The following MLIP variants were observed in gnomAD, a reference collection of about 807,000 sequenced individuals.
The protein encoded by MLIP is muscular LMNA-interacting protein.
MLIP carries 79 observed loss-of-function variants against 84.8 expected under a neutral mutation model. The observed-to-expected ratio is 0.93, with a 90% confidence interval of 0.78 to 1.12. The LOEUF (loss-of-function observed/expected upper bound fraction) is 1.12, where lower values mean the gene tolerates loss of function less well. Among genes scored for constraint, MLIP ranks in the 50% most tolerant of loss-of-function variants. The probability of loss-of-function intolerance (pLI) is 0.00; values close to 1 mark genes in which losing one functional copy is unlikely to be tolerated. For synonymous variants in MLIP, 504 were observed against 463.0 expected, an observed-to-expected ratio of 1.09 and a Z score of -1.14; for missense variants, 1,257 against 1,160.6, an observed-to-expected ratio of 1.08 and a Z score of -1.21.
intron 9 of MLIP, among the ~76,000 whole-genome samples, chr6:54,171,491 A>G (rs1206128261): frequency 6.6e-6 from 1 of 151,628 alleles, no homozygotes; most frequent in Non-Finnish European, 1.5e-5. Flanking sequence ...TTACAATGAA[A>G]GGTCAAAACT....
chr6:54,229,557 C>T (rs1780834621), intron 11 of MLIP, among the ~76,000 whole-genome samples: 1 of 152,156 alleles, frequency 6.6e-6, no homozygotes. Flanking sequence ...TGTGTTGTTC[C>T]CCCACCATGT....
chr6:54,253,996 G>A (rs955869243), intron 12 of MLIP, among the ~76,000 whole-genome samples: 2 of 150,244 alleles, frequency 1.3e-5, no homozygotes, highest in African/African-American at 4.9e-5. Context: ...TTTTCTTTGA[G>A]GCAACATAGT....
At chr6:54,066,137 G>C (rs1766217838) in intron 1 of MLIP, among the ~76,000 whole-genome samples, 1 of 98,014 alleles carries the variant, frequency 1.0e-5, no homozygotes, top group African/African-American at 2.6e-5. Flanking sequence ...TTAAACTGCT[G>C]TTATAAATGT....
chr6:54,228,110 G>T (rs991106470), intron 11 of MLIP, among the ~76,000 whole-genome samples: 2 of 66,954 alleles, frequency 3.0e-5, no homozygotes, highest in African/African-American at 6.3e-5. Flanking sequence ...ATGAACCCCG[G>T]AGGCGGAGCT....
chr6:54,162,937 G>A (rs1582342990), intron 8 of MLIP, among the ~76,000 whole-genome samples: 1 of 152,064 alleles, frequency 6.6e-6, no homozygotes, highest in Middle Eastern at 3.4e-3. Context: ...TTATGGTGAG[G>A]AAAATCAGAG....
chr6:54,059,054 A>T (rs1374207465), intron 1 of MLIP: 1 of 152,254 alleles, frequency 6.6e-6, no homozygotes, highest in Non-Finnish European at 1.5e-5. Flanking sequence ...TATCATTTAG[A>T]AACTGATATA....
chr6:54,098,459 G>A (rs528892652), intron 1 of MLIP, among the ~76,000 whole-genome samples: 1 of 150,768 alleles, frequency 6.6e-6, no homozygotes, highest in African/African-American at 2.4e-5. Context: ...GAGCCACTGT[G>A]CTCGGCTGGG....
chr6:54,144,362 C>G (rs1017559743), intron 4 of MLIP, among the ~76,000 whole-genome samples: 13 of 152,162 alleles, frequency 8.5e-5, no homozygotes, highest in African/African-American at 3.1e-4. Flanking sequence ...GTTTCCTCAT[C>G]CTATTGTTTA....
chr6:54,236,150 A>C (rs1468045799), intron 12 of MLIP, among the ~76,000 whole-genome samples: 1 of 152,186 alleles, frequency 6.6e-6, no homozygotes, highest in Non-Finnish European at 1.5e-5. Context: ...CTACTCACTA[A>C]AATTTATTTG....
In MLIP at chr6:54,136,960, A is replaced by T. The variant is rs112239804; in HGVS notation, c.891A>T (p.Leu297Phe). 2 of 1,535,864 alleles carry T rather than the reference A, an allele frequency of 1.3e-6. No homozygotes were observed. The highest frequency in any genetic ancestry group is 2.7e-5 in the African/African-American group (2 of 72,990). Residue 297 changes from leucine (L) to phenylalanine (F), a missense_variant, in exon 4 of 14, where the codon TTA (leucine) becomes TTT (phenylalanine). Transcript: ENST00000502396. ...CATCGAAGGGCACCTCCTCGACGTT[A>T]CTGTTTCCCCATTCCACTCAACTAT... Reference protein sequence around the residue: ...FSASKGTSSTLLFPHSTQLSG... With the variant: ...FSASKGTSSTFLFPHSTQLSG...
intron 8 of MLIP, among the ~76,000 whole-genome samples, chr6:54,161,829 T>G (rs1307220752): frequency 6.6e-6 from 1 of 151,942 alleles, no homozygotes; most frequent in Admixed American, 6.6e-5. Context: ...GAAGTCTATT[T>G]TGTTGTATAT....
At chr6:54,037,052 C>A (rs1039134938) in intron 1 of MLIP, among the ~76,000 whole-genome samples, 2 of 152,006 alleles carry the variant, frequency 1.3e-5, no homozygotes, top group Non-Finnish European at 2.9e-5. Context: ...ATTTATGAAT[C>A]TTGTCCTTGG....
chr6:54,094,281 TA>T (rs5876356), intron 1 of MLIP, among the ~76,000 whole-genome samples: 38 of 148,456 alleles, frequency 2.6e-4, no homozygotes, highest in Middle Eastern at 3.5e-3. Flanking sequence ...TGCTGTAAGA[TA>T]AAAAAAAAAA....
At position 54,217,853 on chromosome 6, in the gene MLIP, A is replaced by G. The variant is rs553023751; in HGVS notation, c.2719-12861A>G. The G allele has an allele frequency of 3.0e-6, 3 of 985,266 alleles. No homozygotes were observed. The African/African-American group carries it at 5.2e-5, about 17-fold the overall frequency. 61.0% of individuals were successfully genotyped at this position (985,266 alleles called of 1,614,324 possible). A position where few individuals can be genotyped will look rare whatever the true frequency, so the allele number is the denominator to read the frequency against. On this transcript the variant is annotated intron_variant, in intron 11 of 13. Transcript: ENST00000502396. ...TTAAAAGATTCATATATTGCATGCT[A>G]AAGCAGGATAGAGTGATGTTCATTT...
chr6:54,142,566 G>T (rs768960610), intron 4 of MLIP, among the ~76,000 whole-genome samples: 1 of 152,208 alleles, frequency 6.6e-6, no homozygotes, highest in Non-Finnish European at 1.5e-5. Context: ...TGTTGAGGTT[G>T]TCAGAGGGAG....
intron 10 of MLIP, among the ~76,000 whole-genome samples, chr6:54,201,177 C>T (rs1778652141): frequency 6.6e-6 from 1 of 152,134 alleles, no homozygotes; most frequent in South Asian, 2.1e-4. Context: ...GTTCTCCTGC[C>T]TCTCTTTGTC....
At chr6:54,158,411 T>C (rs1774269481) in intron 5 of MLIP, among the ~76,000 whole-genome samples, 1 of 152,146 alleles carries the variant, frequency 6.6e-6, no homozygotes, top group African/African-American at 2.4e-5. Context: ...AAAATAACTG[T>C]CTTGTGCCTA....
At chr6:54,189,802 A>T in intron 9 of MLIP, 68 bp from the exon 10 acceptor site, 2 of 1,218,946 alleles carry the variant, frequency 1.6e-6, no homozygotes, top group Non-Finnish European at 2.4e-6. Flanking sequence ...ACTTCAAAAT[A>T]CTTAAACACA....
intron 12 of MLIP, among the ~76,000 whole-genome samples, chr6:54,241,431 G>C (rs75225798): frequency 9.3e-4 from 142 of 151,960 alleles, no homozygotes; most frequent in African/African-American, 3.3e-3. Context: ...CCATGTGCTT[G>C]TAATGTTTAC....
Sources: allele counts gnomAD v4.1 joint callset (sites outside exome capture counted in the v4.1 genomes callset), GRCh38; gene constraint gnomAD v4.1.1; transcripts MANE v1.5; gene names NCBI Gene and HGNC (gene_info 2026-07-23, HGNC 2026-07-21).